The following TMEM130 variants were observed in gnomAD, a reference collection of about 807,000 sequenced individuals.
The protein encoded by TMEM130 is transmembrane protein 130.
A neutral mutation model predicts 42.9 loss-of-function variants in TMEM130; 37 were observed. The ratio of observed to expected loss-of-function variants is 0.86; its 90% CI spans 0.66 to 1.13. TMEM130 has a LOEUF of 1.13. Among genes scored for constraint, TMEM130 ranks in the 50% most tolerant of loss-of-function variants. The probability of loss-of-function intolerance (pLI) is 0.00; values close to 1 mark genes in which losing one functional copy is unlikely to be tolerated. For missense variants in TMEM130, 545 were observed against 562.6 expected, an observed-to-expected ratio of 0.97 and a Z score of 0.32; for synonymous variants, 259 against 237.7, an observed-to-expected ratio of 1.09 and a Z score of -0.82.
chr7:98,851,249 A>T (rs782051751), intron 6 of TMEM130, among the ~76,000 whole-genome samples, 172 bp downstream of exon 6: 2 of 152,004 alleles, frequency 1.3e-5, no homozygotes, highest in Non-Finnish European at 2.9e-5. Context: ...GCCAGCGCTG[A>T]TGTTGGCGGT....
At chr7:98,848,282 C>T (rs181689825) in intron 7 of TMEM130, 74 bp from the exon 8 acceptor site, 1 of 1,581,064 alleles carries the variant, frequency 6.3e-7, no homozygotes, top group Admixed American at 1.8e-5. Flanking sequence ...ATCACCCACC[C>T]ACCAGGAGCC....
chr7:98,850,790 C>G (rs1471129515), intron 6 of TMEM130, among the ~76,000 whole-genome samples: 4 of 152,156 alleles, frequency 2.6e-5, no homozygotes, highest in African/African-American at 9.7e-5. Flanking sequence ...GTTGGGGATG[C>G]TGGTTTTAGC....
intron 1 of TMEM130, among the ~76,000 whole-genome samples, chr7:98,867,878 C>A (rs1794944583): frequency 6.6e-6 from 1 of 152,180 alleles, no homozygotes; most frequent in African/African-American, 2.4e-5. Flanking sequence ...GACCAGGAAG[C>A]CTTTGCCAAA....
At chr7:98,850,271 A>ATTTTTTTTTTTTTT (rs1290884464) in intron 6 of TMEM130, among the ~76,000 whole-genome samples, 1 of 33,880 alleles carries the variant, frequency 3.0e-5, no homozygotes, top group African/African-American at 7.7e-5. Flanking sequence ...ATATATATAT[A>ATTTTTTTTTTTTTT]TATTTTTTTT....
At chr7:98,848,520 C>T in intron 7 of TMEM130, 63 bp downstream of exon 7, 1 of 1,205,760 alleles carries the variant, frequency 8.3e-7, no homozygotes, top group Non-Finnish European at 1.2e-6. Context: ...CCCCCATACC[C>T]TCTCTAAACA....
chr7:98,862,121 C>G (rs7809743), intron 2 of TMEM130, among the ~76,000 whole-genome samples: 3,858 of 152,142 alleles, frequency 0.025, 147 homozygotes, highest in African/African-American at 0.087. Flanking sequence ...GCAATGAACA[C>G]CTTAATGCAA....
chr7:98,853,263 C>T (rs1794552736), intron 5 of TMEM130, among the ~76,000 whole-genome samples: 1 of 152,166 alleles, frequency 6.6e-6, no homozygotes, highest in Admixed American at 6.6e-5. Context: ...TTCCTCTTCC[C>T]CTGGCCTGCA....
chr7:98,863,697 TTTC>T (rs1246171270), intron 1 of TMEM130, among the ~76,000 whole-genome samples: 6 of 146,040 alleles, frequency 4.1e-5, no homozygotes, highest in South Asian at 2.4e-4. Flanking sequence ...CCTGCTTCTC[TTTC>T]TTTTCTTCCT....
intron 3 of TMEM130, 111 bp downstream of exon 3, chr7:98,860,068 C>CAAAAA: frequency 6.0e-6 from 5 of 828,348 alleles, no homozygotes; most frequent in South Asian, 4.5e-5. Flanking sequence ...GACTGCATCT[C>CAAAAA]AAAAAAAAAA....
At chr7:98,855,387 G>T in intron 4 of TMEM130, 63 bp from the exon 5 acceptor site, 1 of 1,481,040 alleles carries the variant, frequency 6.8e-7, no homozygotes, top group Non-Finnish European at 9.2e-7. Flanking sequence ...GGCTCCCAGG[G>T]CACAGGGTGG....
In TMEM130 at chr7:98,856,061, A is replaced by T; in HGVS notation, c.674T>A (p.Val225Glu). 1 of 1,613,786 alleles carries T rather than the reference A, an allele frequency of 6.2e-7. No individual in the cohort carries two copies. Among genetic ancestry groups the T allele is most frequent in the Non-Finnish European group, 8.5e-7 (1 of 1,180,018 alleles). ...GGAGAAGTCCCCGGTCTTCTGCTTC[A>T]CAGCCCTCGTGGCATCCGGCTCCAC... Reference protein sequence around the residue: ...EEVEPDATRAVKQKTGDFSAS... With the variant: ...EEVEPDATRAEKQKTGDFSAS... Residue 225 changes from valine (V) to glutamate (E), a missense_variant, in exon 4 of 8, where the codon GTG becomes GAG. Physicochemically the swap from Val to Glu is moderately radical, Grantham distance 121. Coordinates refer to ENST00000339375, the MANE Select transcript of TMEM130 (RefSeq NM_152913.3).
chr7:98,851,317 A>T, intron 6 of TMEM130, 104 bp downstream of exon 6: 1 of 1,183,756 alleles, frequency 8.4e-7, no homozygotes. Context: ...GTTGCTGAGG[A>T]CCTTGGTAAG....
chr7:98,850,273 A>ATATATATATATATTTTTTTTTTTTTTTT, intron 6 of TMEM130, among the ~76,000 whole-genome samples: 10 of 35,446 alleles, frequency 2.8e-4, no homozygotes, highest in East Asian at 7.7e-4. Context: ...ATATATATAT[A>ATATATATATATATTTTTTTTTTTTTTTT]TTTTTTTTTT....
chr7:98,851,593 C>T lies in TMEM130; in HGVS notation c.834G>A (p.Lys278=), dbSNP rs782169740. The change falls in exon 6 of 8, where the codon AAG becomes AAA. Residue 278 remains lysine, a synonymous_variant. Transcript: ENST00000339375. ...CTTCCTCCAGCGGGAGGCACTCAGGCTTGAGACGCCAGCACACAGTCAGAG... is the reference window on the plus strand; with the variant it reads ...CTTCCTCCAGCGGGAGGCACTCAGGTTTGAGACGCCAGCACACAGTCAGAG... The part of the protein sequence containing the change: ...SPPLTVCWRL[K]PECLPLEEGE... 5.0e-5 allele frequency: 80 copies of T among 1,613,338 alleles called. No homozygotes were observed. Among genetic ancestry groups the T allele is most frequent in the Non-Finnish European group, 6.5e-5 (77 of 1,179,640 alleles).
intron 5 of TMEM130, among the ~76,000 whole-genome samples, chr7:98,854,903 G>C (rs1794592222): frequency 6.6e-6 from 1 of 152,164 alleles, no homozygotes; most frequent in South Asian, 2.1e-4. Context: ...GGGCATCGTG[G>C]AGTGCACCTG....
chr7:98,862,759 C>T (rs958072032), intron 2 of TMEM130, among the ~76,000 whole-genome samples: 4 of 152,102 alleles, frequency 2.6e-5, no homozygotes, highest in Non-Finnish European at 4.4e-5. Flanking sequence ...CTCGGCCTCC[C>T]GAAGTGCTGG....
rs7792989 is a variant in TMEM130 at position 98,848,454 on chromosome 7, C to T, written c.1119+129G>A. On this transcript the variant is annotated intron_variant, in intron 7 of 7. Transcript: ENST00000339375. The stretch of plus-strand genomic sequence containing the variant: ...ACAGATGCCTCTTGGGCACATCACC[C>T]CAAGTCCCGGAGCCTCGCTGTAATA... The T allele has an allele frequency of 7.4e-3, 5,884 of 797,224 alleles. 243 individuals carry two copies. In the African/African-American group the frequency reaches 0.09, roughly 12 times the overall value. The allele number at this position is 797,224 out of a possible 1,614,324, so 49.4% of individuals were successfully genotyped here. A position where few individuals can be genotyped will look rare whatever the true frequency, so the allele number is the denominator to read the frequency against.
intron 2 of TMEM130, among the ~76,000 whole-genome samples, chr7:98,861,448 C>T (rs1443852586): frequency 6.6e-6 from 1 of 152,218 alleles, no homozygotes; most frequent in Non-Finnish European, 1.5e-5. Flanking sequence ...GGCACGGTGG[C>T]TCACACCTGT....
intron 1 of TMEM130, among the ~76,000 whole-genome samples, chr7:98,867,433 C>T (rs1033565008): frequency 1.3e-5 from 2 of 152,126 alleles, no homozygotes; most frequent in Admixed American, 1.3e-4. Context: ...CACCTCCTCC[C>T]TTATCCCCCT....
Sources: gnomAD v4.1 joint callset for allele counts (sites outside exome capture counted in the v4.1 genomes callset) on GRCh38, gnomAD v4.1.1 for gene constraint, MANE v1.5 for transcripts, NCBI Gene and HGNC (gene_info 2026-07-23, HGNC 2026-07-21) for gene names.